WDR27: variants seen among roughly 807,000 people sequenced by gnomAD.
WDR27 encodes WD repeat-containing protein 27.
A neutral mutation model predicts 114.4 loss-of-function variants in WDR27; 100 were observed. The observed-to-expected ratio is 0.87, with a 90% CI of 0.74 to 1.03. WDR27 has a LOEUF of 1.03. Ranked by LOEUF, WDR27 falls within the 50% of genes least tolerant of loss-of-function variation. The pLI, the probability that WDR27 is intolerant of heterozygous loss-of-function variation, is 0.00. For synonymous variants in WDR27, 449 were observed against 423.1 expected (o/e 1.06, Z -0.75); for missense variants, 1,129 against 1,092.9 (o/e 1.03, Z -0.47).
chr6:169,597,120 C>T (rs1218839794), intron 23 of WDR27, among the ~76,000 whole-genome samples: 1 of 152,214 alleles, frequency 6.6e-6, no homozygotes, highest in African/African-American at 2.4e-5. Flanking sequence ...ATTTCCCATC[C>T]TGCTACTTTC....
intron 25 of WDR27, among the ~76,000 whole-genome samples, chr6:169,483,782 A>T (rs1193000760): frequency 2.0e-5 from 3 of 151,962 alleles, no homozygotes; most frequent in Non-Finnish European, 2.9e-5. Context: ...CCTGAAGAAA[A>T]TACTAGCAAA....
intron 25 of WDR27, among the ~76,000 whole-genome samples, chr6:169,515,717 TAATA>T (rs1793550555): frequency 6.6e-6 from 1 of 151,138 alleles, no homozygotes; most frequent in Non-Finnish European, 1.5e-5. Flanking sequence ...CAGCCAAATA[TAATA>T]AATATAAATA....
intron 25 of WDR27, among the ~76,000 whole-genome samples, chr6:169,486,526 C>T (rs578087533): frequency 7.9e-5 from 12 of 152,268 alleles, no homozygotes; most frequent in African/African-American, 2.9e-4. Context: ...GAGTCTCACT[C>T]TGTCACCCAG....
At chr6:169,515,640 C>T (rs1294064611) in intron 25 of WDR27, among the ~76,000 whole-genome samples, 1 of 151,528 alleles carries the variant, frequency 6.6e-6, no homozygotes, top group African/African-American at 2.4e-5. Context: ...TTCTTTGTGC[C>T]AACAAAATAT....
downstream of WDR27, among the ~76,000 whole-genome samples, chr6:169,454,630 C>A (rs758256595): frequency 2.0e-5 from 3 of 152,144 alleles, no homozygotes; most frequent in Non-Finnish European, 4.4e-5. Context: ...TTCAGACCAC[C>A]CCCCTTGGTG....
intron 23 of WDR27, among the ~76,000 whole-genome samples, chr6:169,588,056 C>A (rs182512133): frequency 5.3e-5 from 8 of 152,184 alleles, no homozygotes; most frequent in African/African-American, 1.9e-4. Context: ...GAAAAATACA[C>A]GAGAGCTATA....
intron 7 of WDR27, chr6:169,664,891 C>T (rs1481925285): frequency 2.0e-6 from 2 of 984,834 alleles, no homozygotes; most frequent in Non-Finnish European, 2.4e-6. Context: ...GGGCGCCTCT[C>T]CGGGGCGCGG....
chr6:169,685,895 G>A (rs1782815040), intron 2 of WDR27, among the ~76,000 whole-genome samples: 1 of 152,100 alleles, frequency 6.6e-6, no homozygotes, highest in Admixed American at 6.5e-5. Context: ...TCCTTTTAGA[G>A]GTACATTATA....
chr6:169,654,524 TG>T (rs1391146851), intron 13 of WDR27, among the ~76,000 whole-genome samples: 1 of 152,194 alleles, frequency 6.6e-6, no homozygotes, highest in Non-Finnish European at 1.5e-5. Context: ...AAGACACCTC[TG>T]TATCGTCACT....
intron 6 of WDR27, among the ~76,000 whole-genome samples, chr6:169,665,816 G>A (rs1827698835): frequency 6.6e-6 from 1 of 152,190 alleles, no homozygotes; most frequent in Non-Finnish European, 1.5e-5. Context: ...CCACAGATGG[G>A]TCCCGAGGAA....
intron 24 of WDR27, among the ~76,000 whole-genome samples, chr6:169,581,185 C>A (rs1194293494): frequency 6.6e-6 from 1 of 151,806 alleles, no homozygotes; most frequent in East Asian, 1.9e-4. Context: ...AGAGACCTAC[C>A]CAACCTTTTT....
At chr6:169,540,622 G>C (rs1042854804) in intron 25 of WDR27, among the ~76,000 whole-genome samples, 7 of 151,968 alleles carry the variant, frequency 4.6e-5, no homozygotes, top group African/African-American at 1.7e-4. Flanking sequence ...TAGAGACAGG[G>C]TTTCACCATT....
At chr6:169,570,697 C>T (rs190141512) in intron 25 of WDR27, among the ~76,000 whole-genome samples, 7 of 152,224 alleles carry the variant, frequency 4.6e-5, no homozygotes, top group South Asian at 4.1e-4. Context: ...GGCGTGGTGG[C>T]GGGCACCTGT....
intron 16 of WDR27, among the ~76,000 whole-genome samples, chr6:169,645,036 T>TAAAAAAAAAAAAAAAAAAAA (rs369797685): frequency 6.1e-4 from 47 of 76,918 alleles, no homozygotes; most frequent in Non-Finnish European, 9.7e-4. Context: ...AAAAAAAAAA[T>TAAAAAAAAAAAAAAAAAAAA]AAAAAAAAAA....
intron 25 of WDR27, among the ~76,000 whole-genome samples, chr6:169,526,521 G>A (rs576881864): frequency 3.9e-5 from 6 of 152,130 alleles, no homozygotes; most frequent in Non-Finnish European, 8.8e-5. Flanking sequence ...GCTGAGGCAG[G>A]AGAATCGCTT....
At chr6:169,551,151 GA>G (rs1336159160) in intron 25 of WDR27, among the ~76,000 whole-genome samples, 1 of 152,138 alleles carries the variant, frequency 6.6e-6, no homozygotes, top group Non-Finnish European at 1.5e-5. Context: ...TGCTATTTTG[GA>G]AAGGTGAATG....
At chr6:169,668,400 A>G (rs1194662428) in intron 4 of WDR27, among the ~76,000 whole-genome samples, 1 of 152,064 alleles carries the variant, frequency 6.6e-6, no homozygotes, top group Non-Finnish European at 1.5e-5. Flanking sequence ...CGGCTGCCCC[A>G]TGCATCTGCC....
intron 17 of WDR27, 123 bp from the exon 18 acceptor site, chr6:169,638,783 G>T: frequency 8.3e-7 from 1 of 1,210,106 alleles, no homozygotes; most frequent in Non-Finnish European, 1.1e-6. Context: ...AATTAGGGGC[G>T]CGCCAGGAGG....
chr6:169,689,676 A>G (rs60834881), intron 1 of WDR27, among the ~76,000 whole-genome samples: 8,959 of 152,282 alleles, frequency 0.059, 531 homozygotes, highest in East Asian at 0.19. Context: ...TCACAGCATA[A>G]TCACTTCAGA....
Sources: gnomAD v4.1 joint callset for allele counts (sites outside exome capture counted in the v4.1 genomes callset) on GRCh38, gnomAD v4.1.1 for gene constraint, MANE v1.5 for transcripts, NCBI Gene and HGNC (gene_info 2026-07-23, HGNC 2026-07-21) for gene names.